Variants in C1orf21 observed in about 807,000 individuals in gnomAD.
C1orf21 encodes uncharacterized protein C1orf21.
In C1orf21, 3 loss-of-function variants were observed where a neutral mutation model predicts 18.7. That is an observed-to-expected ratio of 0.16 (90% confidence interval 0.07 to 0.42). C1orf21 has a LOEUF of 0.42. Ranked by LOEUF, C1orf21 falls within the 10% of genes least tolerant of loss-of-function variation. The pLI, the probability that C1orf21 is intolerant of heterozygous loss-of-function variation, is 0.99. For missense variants in C1orf21, 104 were observed against 143.6 expected, an observed-to-expected ratio of 0.72 and a Z score of 1.41; for synonymous variants, 41 against 46.4, an observed-to-expected ratio of 0.88 and a Z score of 0.47.
intron 3 of C1orf21, among the ~76,000 whole-genome samples, chr1:184,564,675 G>A (rs773229013): frequency 3.3e-5 from 5 of 152,206 alleles, no homozygotes; most frequent in Admixed American, 6.5e-5. Flanking sequence ...AAATTGGAAA[G>A]CTGAGAGAGT....
intron 1 of C1orf21, among the ~76,000 whole-genome samples, chr1:184,411,426 T>C (rs1656351190): frequency 7.1e-6 from 1 of 140,768 alleles, no homozygotes; most frequent in African/African-American, 2.7e-5. Context: ...CTTTTTTTTT[T>C]TTTTTTTTTT....
intron 1 of C1orf21, among the ~76,000 whole-genome samples, chr1:184,388,069 C>T (rs941501024): frequency 4.6e-5 from 7 of 152,194 alleles, no homozygotes; most frequent in Non-Finnish European, 1.0e-4. Flanking sequence ...GCCGCGGCTG[C>T]CTTTGGTCTG....
intron 1 of C1orf21, among the ~76,000 whole-genome samples, chr1:184,419,203 C>T (rs1016384531): frequency 6.6e-6 from 1 of 152,130 alleles, no homozygotes; most frequent in Non-Finnish European, 1.5e-5. Flanking sequence ...GCCTCTGTTT[C>T]CTCCTCTGTA....
At chr1:184,517,083 T>C (rs1315944245) in intron 3 of C1orf21, among the ~76,000 whole-genome samples, 4 of 152,332 alleles carry the variant, frequency 2.6e-5, no homozygotes, top group South Asian at 4.1e-4. Flanking sequence ...ATTCATTCAC[T>C]GTAGGTCAGT....
chr1:184,466,020 T>C (rs1657388701), intron 1 of C1orf21, among the ~76,000 whole-genome samples: 1 of 147,710 alleles, frequency 6.8e-6, no homozygotes, highest in Non-Finnish European at 1.5e-5. Context: ...TATGGTCTCT[T>C]TCTCTAAGTA....
At chr1:184,558,465 A>T (rs1225015449) in intron 3 of C1orf21, among the ~76,000 whole-genome samples, 3 of 152,346 alleles carry the variant, frequency 2.0e-5, no homozygotes, top group East Asian at 3.9e-4. Flanking sequence ...CAGGAATTCC[A>T]AAGTCAAAAT....
At chr1:184,555,686 G>A (rs545269217) in intron 3 of C1orf21, among the ~76,000 whole-genome samples, 211 of 152,104 alleles carry the variant, frequency 1.4e-3, no homozygotes, top group Middle Eastern at 3.4e-3. Context: ...TCTCAGGAGC[G>A]GGGCAAGGAG....
chr1:184,475,339 GC>G (rs1054005981), intron 1 of C1orf21, among the ~76,000 whole-genome samples: 5 of 151,858 alleles, frequency 3.3e-5, no homozygotes, highest in African/African-American at 7.2e-5. Context: ...CCTCAGCCCT[GC>G]CCCCCCATCC....
At chr1:184,510,204 C>T (rs1218409810) in intron 3 of C1orf21, among the ~76,000 whole-genome samples, 1 of 152,342 alleles carries the variant, frequency 6.6e-6, no homozygotes, top group Non-Finnish European at 1.5e-5. Flanking sequence ...AAAACACTCA[C>T]TAAGTTCTGA....
intron 1 of C1orf21, among the ~76,000 whole-genome samples, chr1:184,476,822 G>A (rs1657578658): frequency 1.3e-5 from 2 of 152,028 alleles, no homozygotes; most frequent in Non-Finnish European, 2.9e-5. Flanking sequence ...TGTCACCTCA[G>A]GTAAAATAAA....
At chr1:184,530,007 C>T (rs1005485538) in intron 3 of C1orf21, among the ~76,000 whole-genome samples, 7 of 152,160 alleles carry the variant, frequency 4.6e-5, no homozygotes, top group African/African-American at 1.7e-4. Context: ...ACACGCTTCA[C>T]CTTTAAAATA....
chr1:184,459,325 A>T (rs1427851607), intron 1 of C1orf21, among the ~76,000 whole-genome samples: 1 of 152,174 alleles, frequency 6.6e-6, no homozygotes, highest in Non-Finnish European at 1.5e-5. Flanking sequence ...CTCTTTTAAG[A>T]TTTGCCTTAA....
intron 3 of C1orf21, among the ~76,000 whole-genome samples, chr1:184,582,421 G>C (rs1659287511): frequency 6.6e-6 from 1 of 152,214 alleles, no homozygotes; most frequent in Admixed American, 6.5e-5. Flanking sequence ...CTCACAGTCT[G>C]TGTGCAGGGC....
intron 1 of C1orf21, among the ~76,000 whole-genome samples, chr1:184,474,495 A>T (rs929313013): frequency 6.6e-5 from 10 of 152,194 alleles, no homozygotes; most frequent in Non-Finnish European, 7.3e-5. Flanking sequence ...TTCAAATAAA[A>T]TTTTTTTGTG....
intron 2 of C1orf21, among the ~76,000 whole-genome samples, chr1:184,479,992 T>C (rs753931577): frequency 2.6e-5 from 4 of 152,140 alleles, no homozygotes; most frequent in Non-Finnish European, 4.4e-5. Flanking sequence ...CTAAATGCCA[T>C]GGAGATTACA....
chr1:184,596,412 A>G (rs979917976), intron 4 of C1orf21, among the ~76,000 whole-genome samples: 2 of 152,160 alleles, frequency 1.3e-5, no homozygotes, highest in African/African-American at 4.8e-5. Flanking sequence ...CCCTCCTGCT[A>G]TATTCAAGGC....
At chr1:184,498,332 A>T (rs1482945899) in intron 2 of C1orf21, among the ~76,000 whole-genome samples, 1 of 152,216 alleles carries the variant, frequency 6.6e-6, no homozygotes, top group South Asian at 2.1e-4. Context: ...GCGCATAAAG[A>T]TCATTAAGAT....
chr1:184,403,454 T>C (rs1250175439), intron 1 of C1orf21, among the ~76,000 whole-genome samples: 2 of 152,178 alleles, frequency 1.3e-5, no homozygotes, highest in Non-Finnish European at 2.9e-5. Context: ...ATTAACAAAA[T>C]GCAGAAGGAT....
chr1:184,410,614 ATAT>A (rs1176444828), intron 1 of C1orf21, among the ~76,000 whole-genome samples: 1 of 56,096 alleles, frequency 1.8e-5, no homozygotes, highest in Non-Finnish European at 2.8e-5. Context: ...TTTGCCATAT[ATAT>A]TATATATATA....
Sources: gnomAD v4.1 joint callset for allele counts (sites outside exome capture counted in the v4.1 genomes callset) on GRCh38, gnomAD v4.1.1 for gene constraint, MANE v1.5 for transcripts, NCBI Gene and HGNC (gene_info 2026-07-23, HGNC 2026-07-21) for gene names.